SPACA9: variants seen among roughly 807,000 people sequenced by gnomAD.
The protein encoded by SPACA9 is sperm acrosome-associated protein 9.
SPACA9 carries 14 observed loss-of-function variants against 12.5 expected under a neutral mutation model. The observed-to-expected ratio is 1.12, with a 90% CI of 0.74 to 1.75. SPACA9 has a LOEUF of 1.75. Among genes scored for constraint, SPACA9 ranks in the 40% most tolerant of loss-of-function variants. The probability of loss-of-function intolerance (pLI) is 0.00; values close to 1 mark genes in which losing one functional copy is unlikely to be tolerated. For synonymous variants in SPACA9, 111 were observed against 114.1 expected, an observed-to-expected ratio of 0.97 and a Z score of 0.17; for missense variants, 292 against 291.9, an observed-to-expected ratio of 1.00 and a Z score of 0.00.
Position 132,888,762 on chromosome 9 carries a change from CTTGCT to C in SPACA9, c.*154_*158del. 1 of 1,409,996 alleles carries C rather than the reference CTTGCT, an allele frequency of 7.1e-7. No homozygotes were observed. Among genetic ancestry groups the C allele is most frequent in the Non-Finnish European group, 9.2e-7 (1 of 1,086,056 alleles). The allele number at this position is 1,409,996 out of a possible 1,614,324, so 87.3% of individuals were successfully genotyped here. On this transcript the variant is annotated 3_prime_UTR_variant, in exon 4 of 4. Transcript: ENST00000356311. The surrounding 1 kb of genome is among the most constrained non-coding windows in gnomAD (Gnocchi z 5.0). ...ATTACTGAGACTTCCTCTCTCTCTT[CTTGCT>C]TTAACTTCTTTTTTTTTTGAGACGG...
intron 2 of SPACA9, among the ~76,000 whole-genome samples, chr9:132,885,162 A>C (rs891817379): frequency 2.6e-5 from 4 of 151,974 alleles, no homozygotes; most frequent in East Asian, 1.9e-4. Context: ...ATGAAAAAAA[A>C]CACTTTTTTT....
intron 2 of SPACA9, among the ~76,000 whole-genome samples, chr9:132,886,178 T>C (rs1389877713): frequency 1.3e-5 from 2 of 152,224 alleles, no homozygotes; most frequent in African/African-American, 4.8e-5. Context: ...CCTGCATCTG[T>C]CATCAGATTG....
chr9:132,887,338 T>C lies in SPACA9; in HGVS notation c.145-31T>C, dbSNP rs769038978. ...GCCAGCCAGGACCCGGGTTGGCATG[T>C]CCCCAGCTCATGTGGCGGCGGCCCT... On this transcript the variant is annotated intron_variant, in intron 2 of 3. Transcript: ENST00000356311. The surrounding 1 kb of genome is among the most constrained non-coding windows in gnomAD (Gnocchi z 5.4). The C allele has an allele frequency of 1.2e-6, 2 of 1,600,726 alleles. No homozygotes were observed. The highest frequency in any genetic ancestry group is 1.7e-6 in the Non-Finnish European group (2 of 1,176,090).
At chr9:132,882,459 C>G (rs1488014544) in intron 1 of SPACA9, among the ~76,000 whole-genome samples, 1 of 124,554 alleles carries the variant, frequency 8.0e-6, no homozygotes, top group African/African-American at 3.0e-5. Context: ...CCCTACCCTG[C>G]CTCTTTTTTT....
chr9:132,884,704 C>T (rs1844516901), intron 2 of SPACA9, among the ~76,000 whole-genome samples: 1 of 101,884 alleles, frequency 9.8e-6, no homozygotes. Context: ...TGGAGGGAGT[C>T]AGCTTGTGGA....
intron 1 of SPACA9, among the ~76,000 whole-genome samples, chr9:132,881,297 GAA>G (rs201716244): frequency 2.9e-4 from 35 of 120,606 alleles, no homozygotes; most frequent in East Asian, 1.9e-3. Flanking sequence ...AAAAAAAGAA[GAA>G]AAAAAAAAAA....
At position 132,889,488 on chromosome 9, in the gene SPACA9, C is replaced by T; in HGVS notation, c.*877C>T. 3.6e-6 allele frequency: 3 copies of T among 835,130 alleles called. No individual in the cohort carries two copies. The highest frequency in any genetic ancestry group is 4.3e-6 in the Non-Finnish European group (3 of 692,714). 51.7% of individuals were successfully genotyped at this position (835,130 alleles called of 1,614,324 possible). ...GTGGCACGATCTTGGCTCACTGCAA[C>T]CTCCACCTCCAGGTTCAAGCGATTC... On this transcript the variant is annotated 3_prime_UTR_variant, in exon 4 of 4. Transcript: ENST00000356311.
At chr9:132,890,209 G>T (rs769595386), downstream of SPACA9, 3 of 339,930 alleles carry the variant, frequency 8.8e-6, no homozygotes, top group Non-Finnish European at 1.6e-5. Context: ...AAGCTCCAGA[G>T]GACCAGCAAT....
At chr9:132,890,268 T>C (rs564218615), downstream of SPACA9, 20 of 236,858 alleles carry the variant, frequency 8.4e-5, no homozygotes, top group South Asian at 3.0e-3. Context: ...CCTAGTCAGA[T>C]AAGAAAACCT....
rs573705766 is a variant in SPACA9 at position 132,887,882 on chromosome 9, C to T, written c.347+311C>T. Among the ~76,000 whole-genome samples the T allele has an allele frequency of 6.6e-6, 1 of 152,238 alleles. No homozygotes were observed. Among genetic ancestry groups the T allele is most frequent in the South Asian group, 2.1e-4 (1 of 4,822 alleles). ...CCTCACTGACATGCAAAGAAGTGGA[C>T]ACCAGAGCCGCCTCCCAGGGGCAGC... On this transcript the variant is annotated intron_variant, in intron 3 of 3. Transcript: ENST00000356311. This position sits in a 1 kb window ranked among gnomAD's most constrained non-coding sequence, Gnocchi z 5.4.
At chr9:132,881,272 G>GA (rs776094730) in intron 1 of SPACA9, among the ~76,000 whole-genome samples, 42,519 of 80,046 alleles carry the variant, frequency 0.53, 8,702 homozygotes, top group South Asian at 0.64. Flanking sequence ...CAAAAAAAAA[G>GA]AAAAAAAAAA....
At chr9:132,882,048 C>T (rs1467532486) in intron 1 of SPACA9, among the ~76,000 whole-genome samples, 2 of 152,198 alleles carry the variant, frequency 1.3e-5, no homozygotes, top group African/African-American at 4.8e-5. Context: ...TCTCATTCCC[C>T]ACCTTCAGCT....
At chr9:132,878,361 G>C (rs1280862262), upstream of SPACA9, 7 of 1,254,154 alleles carry the variant, frequency 5.6e-6, no homozygotes, top group African/African-American at 1.6e-5. This position sits in a 1 kb window ranked among gnomAD's most constrained non-coding sequence, Gnocchi z 4.7. Context: ...CTCCGCGCCG[G>C]GCCCAGATAC....
upstream of SPACA9, chr9:132,878,429 C>A (rs1588255885): frequency 8.1e-7 from 1 of 1,232,066 alleles, no homozygotes; most frequent in Non-Finnish European, 1.0e-6. This position sits in a 1 kb window ranked among gnomAD's most constrained non-coding sequence, Gnocchi z 4.7. Flanking sequence ...ACGCGCTCTG[C>A]GGCTCGGGCA....
rs1453199928 is a variant in SPACA9 at position 132,887,411 on chromosome 9, C to T, written c.187C>T (p.Arg63Trp). ...MEHYCNSSTD[R>W]RVLLMFLDIC... ...ACACTACTGCAACAGCTCCACAGAC[C>T]GGCGGGTTCTGCTCATGTTCCTGGA... The change falls in exon 3 of 4, where the codon CGG (arginine) becomes TGG (tryptophan). Residue 63 changes from arginine (R) to tryptophan (W), a missense_variant. By Grantham distance (101) the Arg-to-Trp change is moderately radical. Coordinates refer to ENST00000356311, the MANE Select transcript of SPACA9 (RefSeq NM_001316897.2). This position sits in a 1 kb window ranked among gnomAD's most constrained non-coding sequence, Gnocchi z 5.4. 2.0e-5 allele frequency: 33 copies of T among 1,611,084 alleles called. No homozygotes were observed. Among genetic ancestry groups the T allele is most frequent in the South Asian group, 1.2e-4 (11 of 91,082 alleles).
At chr9:132,884,735 G>C (rs745483375) in intron 2 of SPACA9, among the ~76,000 whole-genome samples, 20 of 99,952 alleles carry the variant, frequency 2.0e-4, no homozygotes, top group Non-Finnish European at 9.1e-5. Context: ...CCCCAAGATG[G>C]GTGGGAACAG....
chr9:132,885,195 C>T (rs1449823002), intron 2 of SPACA9, among the ~76,000 whole-genome samples: 4 of 151,732 alleles, frequency 2.6e-5, no homozygotes, highest in East Asian at 3.9e-4. Context: ...TAAAATGTTT[C>T]CTCAATTTTT....
rs866574879 is a variant in SPACA9, at chr9:132,888,494, G to T, written c.552G>T (p.Gln184His). 10 of 1,602,392 alleles carry T rather than the reference G, an allele frequency of 6.2e-6. No homozygotes were observed. The African/African-American group carries it at 1.2e-4, about 19-fold the overall frequency. The change falls in exon 4 of 4, where the codon CAG becomes CAT. Residue 184 changes from glutamine (Q) to histidine (H), a missense_variant. Transcript: ENST00000356311. The surrounding 1 kb of genome is among the most constrained non-coding windows in gnomAD (Gnocchi z 5.0). ...ESTRGAARPA[Q>H]AIGTQPRATK... Reference sequence around the variant, plus strand: ...CCAGGGGAGCCGCTCGTCCTGCCCAGGCCATAGGGACCCAGCCCAGGGCCA... The same window carrying T: ...CCAGGGGAGCCGCTCGTCCTGCCCATGCCATAGGGACCCAGCCCAGGGCCA...
At position 132,889,684 on chromosome 9, in the gene SPACA9, G is replaced by A. The variant is rs1844696141; in HGVS notation, c.*1073G>A. 4.7e-6 allele frequency: 5 copies of A among 1,055,650 alleles called. No individual in the cohort carries two copies. The highest frequency in any genetic ancestry group is 4.3e-4 in the Middle Eastern group (1 of 2,334). The allele number at this position is 1,055,650 out of a possible 1,614,324, so 65.4% of individuals were successfully genotyped here. A position where few individuals can be genotyped will look rare whatever the true frequency, so the allele number is the denominator to read the frequency against. On this transcript the variant is annotated 3_prime_UTR_variant, in exon 4 of 4. Coordinates refer to ENST00000356311, the MANE Select transcript of SPACA9 (RefSeq NM_001316897.2). Reference sequence around the variant, plus strand: ...CCCGCCTCGGCCTCCCAAAGTGCTGGGATTACAGGTGTGAGCCACGGCACC... The same window carrying A: ...CCCGCCTCGGCCTCCCAAAGTGCTGAGATTACAGGTGTGAGCCACGGCACC...
Sources: gnomAD v4.1 joint callset for allele counts (sites outside exome capture counted in the v4.1 genomes callset) on GRCh38, gnomAD v4.1.1 for gene constraint, Gnocchi (gnomAD v3.1) non-coding constraint, MANE v1.5 for transcripts, NCBI Gene and HGNC (gene_info 2026-07-23, HGNC 2026-07-21) for gene names.